The following ANO5 variants were observed in gnomAD, a reference collection of about 807,000 sequenced individuals.
The protein encoded by ANO5 is anoctamin 5, also known as anoctamin-5.
Under a neutral mutation model 121.0 loss-of-function variants are expected in ANO5, and 109 were observed. That is an observed-to-expected ratio of 0.90 (90% CI 0.77 to 1.06). ANO5 has a LOEUF of 1.06. Ranked by LOEUF, ANO5 falls within the 50% of genes least tolerant of loss-of-function variation. The probability of loss-of-function intolerance (pLI) is 0.00; values close to 1 mark genes in which losing one functional copy is unlikely to be tolerated. For missense variants in ANO5, 1,064 were observed against 1,078.5 expected (o/e 0.99, Z 0.19); for synonymous variants, 406 against 359.9 (o/e 1.13, Z -1.45).
chr11:22,221,518 T>C (rs1190319373), intron 5 of ANO5, among the ~76,000 whole-genome samples: 1 of 152,048 alleles, frequency 6.6e-6, no homozygotes, highest in Non-Finnish European at 1.5e-5. Context: ...AATATAATAA[T>C]TACCTTTTGT....
intron 2 of ANO5, among the ~76,000 whole-genome samples, chr11:22,209,631 C>A (rs1362924840): frequency 2.6e-5 from 4 of 151,832 alleles, no homozygotes; most frequent in Admixed American, 6.6e-5. Flanking sequence ...AGAATTGTGT[C>A]TAGAAGTACA....
At chr11:22,222,938 T>G (rs1852702026) in intron 5 of ANO5, among the ~76,000 whole-genome samples, 2 of 152,052 alleles carry the variant, frequency 1.3e-5, no homozygotes, top group South Asian at 4.1e-4. Flanking sequence ...CCTCCTGTCT[T>G]CAAGCTTAGC....
Position 22,221,196 on chromosome 11 carries a change from G to A in ANO5, c.280G>A (p.Ala94Thr), listed in dbSNP as rs367731017. The A allele has an allele frequency of 2.2e-5, 35 of 1,608,536 alleles. No individual in the cohort carries two copies. The highest frequency in any genetic ancestry group is 1.6e-4 in the Middle Eastern group (1 of 6,062). The change falls in exon 5 of 22, where the codon GCA becomes ACA. Residue 94 changes from alanine to threonine, a missense_variant. By Grantham distance (58) the Ala-to-Thr change is moderately conservative. Transcript: ENST00000324559. ...LSYVDDVKKDAELKAERRKEF... is the reference protein window; with the variant it reads ...LSYVDDVKKDTELKAERRKEF... ...CTACGTTGATGATGTAAAGAAAGAC[G>A]CAGAGTTAAAGGCGGTAAGTGCATT...
chr11:22,268,663 G>A (rs1332216090), intron 17 of ANO5, among the ~76,000 whole-genome samples: 1 of 152,110 alleles, frequency 6.6e-6, no homozygotes, highest in African/African-American at 2.4e-5. Flanking sequence ...ATGTGATCAT[G>A]CAAGTGCTTA....
At chr11:22,212,520 A>G (rs183293244) in intron 3 of ANO5, among the ~76,000 whole-genome samples, 8 of 152,002 alleles carry the variant, frequency 5.3e-5, no homozygotes, top group East Asian at 1.9e-4. Context: ...TAATTTTCCC[A>G]TATATTGCCA....
chr11:22,273,016 AC>A (rs759298932), intron 19 of ANO5, 27 bp downstream of exon 19: 25 of 1,598,156 alleles, frequency 1.6e-5, no homozygotes, highest in Middle Eastern at 1.7e-4. Flanking sequence ...CGGTGGGGTG[AC>A]TTTGTATTTC....
intron 14 of ANO5, among the ~76,000 whole-genome samples, chr11:22,259,132 CA>C (rs11317243): frequency 0.63 from 70,383 of 112,332 alleles, 19,511 homozygotes; most frequent in African/African-American, 0.68. Context: ...GACTCTGTCT[CA>C]AAAAAAAAAA....
At chr11:22,231,910 A>AAAATGATAG (rs764665320) in intron 7 of ANO5, among the ~76,000 whole-genome samples, 1 of 152,000 alleles carries the variant, frequency 6.6e-6, no homozygotes, top group Non-Finnish European at 1.5e-5. Context: ...ATGGACGCAT[A>AAAATGATAG]AAATGATAGA....
Position 22,256,389 on chromosome 11 carries a change from G to A in ANO5, c.1332+867G>A, listed in dbSNP as rs192548188. On this transcript the variant is annotated intron_variant, in intron 13 of 21. Transcript: ENST00000324559. ...CATTTAAAATTATTTTCACCATTTAGGCATTCACTGAACAATTACTAAATT... is the reference window on the plus strand; with the variant it reads ...CATTTAAAATTATTTTCACCATTTAAGCATTCACTGAACAATTACTAAATT... Among the ~76,000 whole-genome samples, 40 of 152,078 alleles carry A rather than the reference G, an allele frequency of 2.6e-4. No individual in the cohort carries two copies. The East Asian group carries it at 7.5e-3, about 29-fold the overall frequency.
chr11:22,270,332 G>C lies in ANO5; in HGVS notation c.1919G>C (p.Arg640Thr), dbSNP rs1854560855. The change falls in exon 18 of 22, where the codon AGA (arginine) becomes ACA (threonine). Residue 640 changes from arginine (R) to threonine (T), a missense_variant. By Grantham distance (71) the Arg-to-Thr change is moderately conservative. Transcript: ENST00000324559. ...AACAGCTTGGCTTTGAATTGGTGGA[G>C]ACGCCGAAAAGCTCGGACAAACTCT... is the stretch of plus-strand genomic sequence containing the variant. ...AIYPLALNWW[R>T]RRKARTNSEK... 1 of 1,613,992 alleles carries C rather than the reference G, an allele frequency of 6.2e-7. No individual in the cohort carries two copies. Among genetic ancestry groups the C allele is most frequent in the African/African-American group, 1.3e-5 (1 of 74,924 alleles).
chr11:22,254,973 T>C (rs1423494403), intron 12 of ANO5, among the ~76,000 whole-genome samples: 2 of 151,720 alleles, frequency 1.3e-5, no homozygotes, highest in Non-Finnish European at 2.9e-5. Flanking sequence ...TAGGTATATT[T>C]CCCCAAGCCT....
At chr11:22,221,235 G>A in intron 5 of ANO5, 25 bp downstream of exon 5, 1 of 1,534,492 alleles carries the variant, frequency 6.5e-7, no homozygotes, top group Non-Finnish European at 9.0e-7. Flanking sequence ...ACAGAAGTGG[G>A]AATAATAAAA....
chr11:22,236,083 T>C, intron 7 of ANO5, 80 bp from the exon 8 acceptor site: 3 of 908,966 alleles, frequency 3.3e-6, no homozygotes, highest in East Asian at 5.1e-5. Context: ...AAAGTAGACA[T>C]TGTTAAATTG....
intron 9 of ANO5, among the ~76,000 whole-genome samples, chr11:22,241,508 T>G (rs1853431301): frequency 6.6e-6 from 1 of 151,976 alleles, no homozygotes; most frequent in African/African-American, 2.4e-5. Context: ...TTCATTCCCA[T>G]CAACGGTGTA....
chr11:22,193,050 C>T, upstream of ANO5: 3 of 1,019,316 alleles, frequency 2.9e-6, no homozygotes, highest in Non-Finnish European at 3.5e-6. Context: ...AGGGACGCAG[C>T]GAAGGGGAAA....
intron 5 of ANO5, among the ~76,000 whole-genome samples, chr11:22,223,771 C>T (rs1590240373): frequency 6.6e-6 from 1 of 151,994 alleles, no homozygotes; most frequent in Non-Finnish European, 1.5e-5. Flanking sequence ...ATATTCTTTA[C>T]TGGGCCATTT....
intron 14 of ANO5, among the ~76,000 whole-genome samples, chr11:22,259,120 G>A (rs1480386925): frequency 2.2e-5 from 3 of 136,990 alleles, no homozygotes; most frequent in Non-Finnish European, 3.1e-5. Flanking sequence ...GCGACAGAGC[G>A]AGACTCTGTC....
intron 9 of ANO5, among the ~76,000 whole-genome samples, chr11:22,243,744 G>A (rs950601363): frequency 1.3e-5 from 2 of 152,138 alleles, no homozygotes; most frequent in African/African-American, 2.4e-5. Flanking sequence ...TTTGATTTCT[G>A]TAGGATTAGT....
rs2133747497 is a variant in ANO5, at chr11:22,262,154, T to G, written c.1656T>G (p.Tyr552Ter). 6.2e-7 allele frequency: 1 copy of G among 1,613,864 alleles called. No individual in the cohort carries two copies. Among genetic ancestry groups the G allele is most frequent in the Non-Finnish European group, 8.5e-7 (1 of 1,179,896 alleles). The part of the protein sequence containing the change: ...KMEIPRTYQE[Y>*]ESSLTLKMFL... The stretch of plus-strand genomic sequence containing the variant: ...AAATTCCTCGAACATACCAGGAGTA[T>G]GAGAGCAGTCTTACCTTGAAAATGT... The change falls in exon 16 of 22, where the codon TAT becomes TAG. Residue 552 changes from tyrosine to a stop codon, truncating the protein, a stop_gained. Transcript: ENST00000324559. LOFTEE classifies it high-confidence loss of function.
Sources: allele counts gnomAD v4.1 joint callset (sites outside exome capture counted in the v4.1 genomes callset), GRCh38; gene constraint gnomAD v4.1.1; transcripts MANE v1.5; gene names NCBI Gene and HGNC (gene_info 2026-07-23, HGNC 2026-07-21).